The following ZNF875 variants were observed in gnomAD, a reference collection of about 807,000 sequenced individuals.
ZNF875 encodes the protein zinc finger protein 875, also known as HKR1, GLI-Kruppel zinc finger family member.
In ZNF875, 14 loss-of-function variants were observed where a neutral mutation model predicts 11.2. The ratio of observed to expected loss-of-function variants is 1.26; its 90% CI spans 0.83 to 1.96. The LOEUF (loss-of-function observed/expected upper bound fraction) is 1.96. Ranked by LOEUF, ZNF875 falls within the 30% of genes most tolerant of loss-of-function variation. The pLI is 0.00. For synonymous variants in ZNF875, 301 were observed against 281.1 expected, an observed-to-expected ratio of 1.07 and a Z score of -0.71; for missense variants, 752 against 760.4, an observed-to-expected ratio of 0.99 and a Z score of 0.13.
At position 37,363,315 on chromosome 19, in the gene ZNF875, C is replaced by T. The variant is rs942550230; in HGVS notation, c.1463C>T (p.Thr488Ile). Reference sequence around the variant, plus strand: ...TGTACGGAGTGTGGGCGAGGCTTTACCCGGAAATCAACCCTGAGCACGCAC... The same window carrying T: ...TGTACGGAGTGTGGGCGAGGCTTTATCCGGAAATCAACCCTGAGCACGCAC... The part of the protein sequence containing the change: ...FVCTECGRGF[T>I]RKSTLSTHQR... The change falls in exon 5 of 5, where the codon ACC becomes ATC. Residue 488 changes from threonine (T) to isoleucine (I), a missense_variant. Transcript: ENST00000392153. The T allele has an allele frequency of 1.2e-6, 2 of 1,606,232 alleles. No individual in the cohort carries two copies. The highest frequency in any genetic ancestry group is 2.2e-5 in the East Asian group (1 of 44,458).
intron 2 of ZNF875, among the ~76,000 whole-genome samples, chr19:37,339,321 T>C (rs976239449): frequency 6.6e-6 from 1 of 152,140 alleles, no homozygotes; most frequent in Non-Finnish European, 1.5e-5. Flanking sequence ...CTGAAAATAA[T>C]TTCCATAGTA....
intron 2 of ZNF875, among the ~76,000 whole-genome samples, chr19:37,335,625 T>G (rs1320462365): frequency 1.3e-5 from 2 of 152,162 alleles, no homozygotes. Flanking sequence ...GGGTGGTGAT[T>G]GTCAGGTAAT....
At chr19:37,343,760 A>AT (rs1360821275) in intron 2 of ZNF875, among the ~76,000 whole-genome samples, 3 of 152,140 alleles carry the variant, frequency 2.0e-5, no homozygotes, top group Non-Finnish European at 4.4e-5. Context: ...CCCAGGGTTA[A>AT]TTTAGGAGGA....
In ZNF875 at chr19:37,363,342, A is replaced by T. The variant is rs771050112; in HGVS notation, c.1490A>T (p.Gln497Leu). Residue 497 changes from glutamine to leucine, a missense_variant, in exon 5 of 5, where the codon CAG becomes CTG. Transcript: ENST00000392153. ...FTRKSTLSTH[Q>L]RTHSGEKPFV... The stretch of plus-strand genomic sequence containing the variant: ...CGGAAATCAACCCTGAGCACGCACC[A>T]GAGGACACACTCAGGGGAGAAGCCA... 1 of 1,610,998 alleles carries T rather than the reference A, an allele frequency of 6.2e-7. No homozygotes were observed. The highest frequency in any genetic ancestry group is 8.5e-7 in the Non-Finnish European group (1 of 1,177,906).
chr19:37,328,368 C>T (rs2032860460), intron 4 of ZNF875, among the ~76,000 whole-genome samples: 1 of 152,158 alleles, frequency 6.6e-6, no homozygotes, highest in Non-Finnish European at 1.5e-5. Flanking sequence ...GTGTTGGAAA[C>T]TCAACCCCTA....
At chr19:37,340,002 G>A (rs1351218015) in intron 2 of ZNF875, among the ~76,000 whole-genome samples, 1 of 151,312 alleles carries the variant, frequency 6.6e-6, no homozygotes, top group East Asian at 2.0e-4. Context: ...TTATTTTTGA[G>A]ATGGAGTTTC....
intron 2 of ZNF875, chr19:37,344,538 T>C: frequency 1.5e-6 from 1 of 676,524 alleles, no homozygotes; most frequent in Admixed American, 2.4e-5. Flanking sequence ...CGAAGTCTTT[T>C]GCTAGAATCC....
chr19:37,319,551 T>C lies in ZNF875; in HGVS notation c.-747+1365T>C, dbSNP rs115742956. 3.8e-3 allele frequency among the ~76,000 whole-genome samples: 577 copies of C among 152,010 alleles called. 2 individuals carry two copies. Among genetic ancestry groups the C allele is most frequent in the African/African-American group, 0.013 (533 of 41,388 alleles). ...GCCCCCACATTGTTCATAGGCCTTA[T>C]TCTTGATTCTCAGCTCCCCTCTGCT... On this transcript the variant is annotated intron_variant, in intron 1 of 5. Transcript: ENST00000544914.
chr19:37,333,243 C>T (rs1191258074), upstream of ZNF875, among the ~76,000 whole-genome samples: 1 of 150,754 alleles, frequency 6.6e-6, no homozygotes, highest in East Asian at 1.9e-4. Context: ...TGTACCCCCA[C>T]CCCCACCCCT....
At position 37,339,288 on chromosome 19, in the gene ZNF875, A is replaced by G. The variant is rs16974848; in HGVS notation, c.33+4031A>G. 6.3e-3 allele frequency among the ~76,000 whole-genome samples: 965 copies of G among 152,244 alleles called. 25 individuals are homozygous for G. Among genetic ancestry groups the G allele is most frequent in the East Asian group, 0.053 (275 of 5,178 alleles). The stretch of plus-strand genomic sequence containing the variant: ...TACCCAGCTCTATTTTTAAAGGTGT[A>G]GAAACAGCCAACACTTATCCCACTG... On this transcript the variant is annotated intron_variant, in intron 2 of 4. Transcript: ENST00000392153.
chr19:37,328,943 CAATAGTATCAGTA>C (rs1164555087), intron 4 of ZNF875: 1 of 152,136 alleles, frequency 6.6e-6, no homozygotes, highest in Non-Finnish European at 1.5e-5. Context: ...GTCCTTGGAC[CAATAGTATCAGTA>C]GCACCTGAAA....
chr19:37,352,860 T>C (rs1184192628), intron 4 of ZNF875, among the ~76,000 whole-genome samples: 2 of 145,354 alleles, frequency 1.4e-5, no homozygotes, highest in South Asian at 2.2e-4. Flanking sequence ...AAAATACTTT[T>C]TAGATTCTTT....
upstream of ZNF875, chr19:37,317,791 G>C (rs539904413): frequency 5.2e-5 from 8 of 152,492 alleles, no homozygotes; most frequent in African/African-American, 1.9e-4. Context: ...AACCGAGAGC[G>C]TCCCTTCCTT....
At chr19:37,327,281 TTTTCCCTGGCCA>T (rs2032632353) in intron 4 of ZNF875, among the ~76,000 whole-genome samples, 1 of 151,854 alleles carries the variant, frequency 6.6e-6, no homozygotes, top group Non-Finnish European at 1.5e-5. Context: ...GCATGAGCCA[TTTTCCCTGGCCA>T]GGAAACTTAT....
intron 1 of ZNF875, 133 bp from the exon 2 acceptor site, chr19:37,335,036 A>C (rs1318748103): frequency 5.3e-6 from 3 of 570,346 alleles, no homozygotes; most frequent in Non-Finnish European, 9.6e-6. Context: ...CCCCCACTGG[A>C]TGGGAATTGG....
chr19:37,327,456 C>T (rs141059834), intron 4 of ZNF875, among the ~76,000 whole-genome samples: 3 of 152,024 alleles, frequency 2.0e-5, no homozygotes, highest in Admixed American at 1.3e-4. Flanking sequence ...TTAGAGATTT[C>T]ATTAAACTAA....
chr19:37,331,254 A>C (rs1330754435), upstream of ZNF875, among the ~76,000 whole-genome samples: 7 of 109,962 alleles, frequency 6.4e-5, no homozygotes, highest in Non-Finnish European at 1.0e-4. Flanking sequence ...TTTTTTTGAG[A>C]GTCTCGCTCT....
Position 37,363,955 on chromosome 19 carries a change from TGAA to T in ZNF875, c.*182_*184del. 1.7e-6 allele frequency: 1 copy of T among 586,880 alleles called. No individual in the cohort carries two copies. Among genetic ancestry groups the T allele is most frequent in the East Asian group, 2.9e-5 (1 of 34,198 alleles). 36.4% of individuals were successfully genotyped at this position (586,880 alleles called of 1,614,324 possible). On this transcript the variant is annotated 3_prime_UTR_variant, in exon 5 of 5. Coordinates refer to ENST00000392153, the MANE Select transcript of ZNF875 (RefSeq NM_001353803.2). Reference sequence around the variant, plus strand: ...GGTAAGACTTGTATCTCCATCCACCTGAAGGAGAATTGCTGGCTCATTTTCAGG... The same window carrying T: ...GGTAAGACTTGTATCTCCATCCACCTGGAGAATTGCTGGCTCATTTTCAGG...
At position 37,353,755 on chromosome 19, in the gene ZNF875, A is replaced by T. The variant is rs1326408899; in HGVS notation, c.256+5883A>T. 3.3e-5 allele frequency among the ~76,000 whole-genome samples: 5 copies of T among 152,124 alleles called. No homozygotes were observed. The East Asian group carries it at 9.6e-4, about 29-fold the overall frequency. On this transcript the variant is annotated intron_variant, in intron 4 of 4. Coordinates refer to ENST00000392153, the MANE Select transcript of ZNF875 (RefSeq NM_001353803.2). Reference sequence around the variant, plus strand: ...GTTTTGTAATTTTTGTTGAGTAATTATTATATTGTTCTTTTATATTTTGAT... The same window carrying T: ...GTTTTGTAATTTTTGTTGAGTAATTTTTATATTGTTCTTTTATATTTTGAT...
Sources: allele counts gnomAD v4.1 joint callset (sites outside exome capture counted in the v4.1 genomes callset), GRCh38; gene constraint gnomAD v4.1.1; transcripts MANE v1.5; gene names NCBI Gene and HGNC (gene_info 2026-07-23, HGNC 2026-07-21).